Variants in OTOA observed in about 807,000 individuals in gnomAD.
The protein encoded by OTOA is cancer/testis antigen 108.
Under a neutral mutation model 110.8 loss-of-function variants are expected in OTOA, and 70 were observed. The ratio of observed to expected loss-of-function variants is 0.63; its 90% CI spans 0.52 to 0.77. OTOA has a LOEUF of 0.77. OTOA is among the 30% of genes least tolerant of loss of function. The pLI is 0.00. For missense variants in OTOA, 917 were observed against 1,075.8 expected (o/e 0.85, Z 2.06); for synonymous variants, 373 against 431.5 (o/e 0.86, Z 1.68).
rs57835405 is a variant in OTOA, at chr16:21,720,896, C to CATTATTATTATTATTATTATT, written c.1806+1398_1806+1418dup. Among the ~76,000 whole-genome samples the CATTATTATTATTATTATTATT allele has an allele frequency of 5.7e-3, 839 of 147,190 alleles. 9 individuals carry two copies. The highest frequency in any genetic ancestry group is 0.022 in the South Asian group (104 of 4,668). On this transcript the variant is annotated intron_variant, in intron 17 of 28. Transcript: ENST00000646100. ...TCTCGTTTATATTTTTACTAAAACA[C>CATTATTATTATTATTATTATT]ATTATTATTATTATTATTATTATTA...
At chr16:21,724,555 C>G (rs914366693) in intron 18 of OTOA, among the ~76,000 whole-genome samples, 2 of 151,956 alleles carry the variant, frequency 1.3e-5, no homozygotes, top group African/African-American at 4.8e-5. Flanking sequence ...AAGATCATAG[C>G]CACTACCCAC....
intron 12 of OTOA, among the ~76,000 whole-genome samples, chr16:21,706,722 A>G (rs1377034258): frequency 2.0e-5 from 3 of 152,168 alleles, no homozygotes; most frequent in Non-Finnish European, 4.4e-5. Context: ...AAATTTTGAT[A>G]AAGCCATCAA....
At chr16:21,713,195 G>T (rs922154457) in intron 13 of OTOA, among the ~76,000 whole-genome samples, 1 of 152,166 alleles carries the variant, frequency 6.6e-6, no homozygotes, top group Admixed American at 6.5e-5. Flanking sequence ...AAACTCCTGG[G>T]CTCAAGCAAT....
chr16:21,719,271 G>A, intron 16 of OTOA, 80 bp downstream of exon 16: 2 of 1,583,804 alleles, frequency 1.3e-6, no homozygotes, highest in African/African-American at 1.3e-5. Flanking sequence ...TTCCAGGTGG[G>A]AGAGTTAGGC....
In OTOA at chr16:21,715,002, T is replaced by G; in HGVS notation, c.1338T>G (p.Asn446Lys). 1 of 1,614,162 alleles carries G rather than the reference T, an allele frequency of 6.2e-7. No individual in the cohort carries two copies. Among genetic ancestry groups the G allele is most frequent in the Non-Finnish European group, 8.5e-7 (1 of 1,180,004 alleles). Residue 446 changes from asparagine to lysine, a missense_variant, in exon 14 of 29, where the codon AAT (asparagine) becomes AAG (lysine). Coordinates refer to ENST00000646100, the MANE Select transcript of OTOA (RefSeq NM_144672.4). The stretch of plus-strand genomic sequence containing the variant: ...TCTTCCAGGTGCTGTCTTTCTACAA[T>G]GTCAGCCAGATGGGCGCACTGCTGG... Reference protein sequence around the residue: ...LAHEKVLSFYNVSQMGALLAG... With the variant: ...LAHEKVLSFYKVSQMGALLAG...
intron 1 of OTOA, among the ~76,000 whole-genome samples, chr16:21,670,195 C>T (rs1453014615): frequency 6.6e-6 from 1 of 151,632 alleles, no homozygotes; most frequent in Non-Finnish European, 1.5e-5. Flanking sequence ...CAGTGGCTCC[C>T]ACCTCCCTCC....
At chr16:21,723,567 G>C (rs1236792785) in intron 18 of OTOA, among the ~76,000 whole-genome samples, 2 of 152,248 alleles carry the variant, frequency 1.3e-5, no homozygotes, top group Non-Finnish European at 2.9e-5. Context: ...TGGTGGGAGA[G>C]GGAATAGACA....
chr16:21,669,991 T>A (rs892776226), intron 1 of OTOA, among the ~76,000 whole-genome samples: 2 of 151,978 alleles, frequency 1.3e-5, no homozygotes, highest in East Asian at 3.9e-4. Context: ...CTGGGTGTGG[T>A]GGTGGGCACC....
At chr16:21,696,579 T>C (rs1456969412) in intron 9 of OTOA, among the ~76,000 whole-genome samples, 1 of 152,020 alleles carries the variant, frequency 6.6e-6, no homozygotes, top group Admixed American at 6.6e-5. Context: ...TTATCATTAT[T>C]ATTATTATTA....
intron 11 of OTOA, among the ~76,000 whole-genome samples, chr16:21,701,852 C>G (rs757522960): frequency 1.1e-4 from 17 of 151,642 alleles, no homozygotes; most frequent in Non-Finnish European, 2.2e-4. Flanking sequence ...AACTCCTGAC[C>G]TCTTGAACTG....
chr16:21,686,289 CTT>C (rs34034416), intron 7 of OTOA, among the ~76,000 whole-genome samples: 1 of 140,740 alleles, frequency 7.1e-6, no homozygotes, highest in Non-Finnish European at 1.6e-5. Flanking sequence ...AAAATGGAGG[CTT>C]TTTTTTTTTT....
chr16:21,755,486 GTGTGTA>G, intron 27 of OTOA, among the ~76,000 whole-genome samples: 1 of 109,146 alleles, frequency 9.2e-6, no homozygotes, highest in African/African-American at 3.4e-5. Flanking sequence ...GTGTGTGTGT[GTGTGTA>G]GTGAGAGGAG....
At chr16:21,719,615 G>A in intron 17 of OTOA, 111 bp downstream of exon 17, 1 of 1,078,454 alleles carries the variant, frequency 9.3e-7, no homozygotes, top group Non-Finnish European at 1.4e-6. Flanking sequence ...TCAGACGCAA[G>A]TGATGACTTA....
chr16:21,715,063 C>T lies in OTOA; in HGVS notation c.1399C>T (p.Arg467Cys), dbSNP rs757720270. 2.2e-5 allele frequency: 36 copies of T among 1,614,108 alleles called. No homozygotes were observed. The highest frequency in any genetic ancestry group is 5.0e-5 in the Admixed American group (3 of 60,002). The change falls in exon 14 of 29, where the codon CGC (arginine) becomes TGC (cysteine). Residue 467 changes from arginine to cysteine, a missense_variant. By Grantham distance (180) the Arg-to-Cys change is radical (BLOSUM62 -3). Coordinates refer to ENST00000646100, the MANE Select transcript of OTOA (RefSeq NM_144672.4). ...CACCCAGGCCTTCTGCAGCATGAAA[C>T]GCAAGGACATCTCGCAGGTCCTGAG... ...VSTQAFCSMK[R>C]KDISQVLRSA...
intron 21 of OTOA, among the ~76,000 whole-genome samples, chr16:21,734,913 C>T (rs1411894448): frequency 4.0e-5 from 6 of 151,640 alleles, no homozygotes; most frequent in South Asian, 4.2e-4. Context: ...CCGAGGTGGG[C>T]GAATCACTTG....
intron 21 of OTOA, among the ~76,000 whole-genome samples, chr16:21,733,895 G>A (rs1428795098): frequency 1.3e-5 from 2 of 152,188 alleles, no homozygotes; most frequent in Non-Finnish European, 2.9e-5. Flanking sequence ...CACCTCCTGG[G>A]TTCAAGTGAT....
chr16:21,735,750 C>T (rs1199364400), intron 21 of OTOA, among the ~76,000 whole-genome samples: 10 of 152,036 alleles, frequency 6.6e-5, no homozygotes, highest in East Asian at 5.8e-4. Context: ...CATGCCACCA[C>T]GACTGACTAA....
At chr16:21,665,805 C>G (rs1223650783) in intron 1 of OTOA, among the ~76,000 whole-genome samples, 1 of 151,968 alleles carries the variant, frequency 6.6e-6, no homozygotes, top group Non-Finnish European at 1.5e-5. Flanking sequence ...CTCTAGTCCA[C>G]CAAGCTCCCA....
At chr16:21,697,021 C>G (rs1897956069) in intron 9 of OTOA, among the ~76,000 whole-genome samples, 1 of 141,054 alleles carries the variant, frequency 7.1e-6, no homozygotes, top group African/African-American at 2.6e-5. Context: ...TCCTGAGTAG[C>G]TGGGACTACA....
Sources: allele counts gnomAD v4.1 joint callset (sites outside exome capture counted in the v4.1 genomes callset), GRCh38; gene constraint gnomAD v4.1.1; transcripts MANE v1.5; gene names NCBI Gene and HGNC (gene_info 2026-07-23, HGNC 2026-07-21).